GRIP1: variants seen among roughly 807,000 people sequenced by gnomAD.
GRIP1 encodes glutamate receptor-interacting protein 1.
Under a neutral mutation model 129.9 loss-of-function variants are expected in GRIP1, and 45 were observed. That is an observed-to-expected ratio of 0.35 (90% CI 0.27 to 0.44). GRIP1 has a LOEUF of 0.44. Among genes scored for constraint, GRIP1 ranks in the 20% least tolerant of loss-of-function variants. GRIP1 has a pLI of 1.00. For missense variants in GRIP1, 1,196 were observed against 1,396.8 expected (o/e 0.86, Z 2.29); for synonymous variants, 530 against 520.8 (o/e 1.02, Z -0.24).
intron 1 of GRIP1, among the ~76,000 whole-genome samples, chr12:67,003,528 C>G (rs893944209): frequency 6.6e-6 from 1 of 151,854 alleles, no homozygotes; most frequent in African/African-American, 2.4e-5. Flanking sequence ...CCCATCTCTA[C>G]TAAAAATACA....
intron 15 of GRIP1, among the ~76,000 whole-genome samples, chr12:66,412,173 T>C (rs1295960980): frequency 6.6e-6 from 1 of 152,068 alleles, no homozygotes; most frequent in East Asian, 1.9e-4. Flanking sequence ...CCAAGACACA[T>C]AATCGTTGGA....
intron 1 of GRIP1, 51 bp downstream of exon 1, chr12:66,678,795 GTTTA>G: frequency 2.6e-6 from 4 of 1,510,398 alleles, no homozygotes; most frequent in Non-Finnish European, 3.7e-6. Context: ...ATTAAACTGT[GTTTA>G]TAGGATACTG....
At chr12:66,798,424 T>C (rs2038763248) in intron 1 of GRIP1, among the ~76,000 whole-genome samples, 1 of 152,202 alleles carries the variant, frequency 6.6e-6, no homozygotes, top group Non-Finnish European at 1.5e-5. Context: ...ATATTGTATT[T>C]CTTGAAATAA....
chr12:66,665,721 C>T (rs907735223), intron 1 of GRIP1, among the ~76,000 whole-genome samples: 1 of 152,140 alleles, frequency 6.6e-6, no homozygotes, highest in African/African-American at 2.4e-5. Flanking sequence ...ACAAACAGTG[C>T]TGCTAGGACC....
chr12:67,062,025 T>C (rs180948203), intron 1 of GRIP1, among the ~76,000 whole-genome samples: 1 of 152,274 alleles, frequency 6.6e-6, no homozygotes, highest in Non-Finnish European at 1.5e-5. Flanking sequence ...ATCTCCTGAG[T>C]AGCTGCACGG....
At chr12:67,049,013 A>G (rs971489714) in intron 1 of GRIP1, among the ~76,000 whole-genome samples, 3 of 151,882 alleles carry the variant, frequency 2.0e-5, no homozygotes, top group African/African-American at 7.3e-5. Flanking sequence ...TTTTGTAGAG[A>G]CAGGGTCTCA....
intron 1 of GRIP1, among the ~76,000 whole-genome samples, chr12:67,046,947 GA>G (rs1373501074): frequency 6.6e-6 from 1 of 152,178 alleles, no homozygotes; most frequent in African/African-American, 2.4e-5. Flanking sequence ...CATGTAAAAT[GA>G]GAAGTCGAAA....
At chr12:66,815,759 G>T (rs573702072) in intron 1 of GRIP1, among the ~76,000 whole-genome samples, 1 of 146,426 alleles carries the variant, frequency 6.8e-6, no homozygotes, top group Admixed American at 6.8e-5. Context: ...ATAAGACCCC[G>T]ACTCAAACCA....
At chr12:66,750,549 A>G (rs1317235912) in intron 1 of GRIP1, among the ~76,000 whole-genome samples, 2 of 152,186 alleles carry the variant, frequency 1.3e-5, no homozygotes, top group Non-Finnish European at 1.5e-5. Context: ...GAAACTGGGC[A>G]TAGGTATAAC....
chr12:66,466,698 T>C (rs866059464), intron 7 of GRIP1, among the ~76,000 whole-genome samples: 1 of 152,234 alleles, frequency 6.6e-6, no homozygotes. Context: ...AGCACTTTGT[T>C]ATACATATAG....
chr12:66,929,320 C>T (rs745551471), intron 1 of GRIP1, among the ~76,000 whole-genome samples: 1 of 152,216 alleles, frequency 6.6e-6, no homozygotes, highest in South Asian at 2.1e-4. Context: ...CCTGACCACC[C>T]TACCTAACTG....
rs1429474398 is a variant in GRIP1 at position 66,534,416 on chromosome 12, CTTTTCTCTA to C, written c.419-4511_419-4503del. ...AGTCTTTGGGCTTGTAGCCTCTGGT[CTTTTCTCTA>C]TTTTGCCTCCTACAATGATAAATCT... On this transcript the variant is annotated intron_variant, in intron 4 of 24. Coordinates refer to ENST00000359742, the MANE Select transcript of GRIP1 (RefSeq NM_001366722.1). Among the ~76,000 whole-genome samples the C allele has an allele frequency of 3.3e-5, 5 of 152,272 alleles. No homozygotes were observed. The South Asian group carries it at 1.0e-3, about 32-fold the overall frequency.
intron 2 of GRIP1, among the ~76,000 whole-genome samples, chr12:66,544,563 G>A (rs1010679222): frequency 3.9e-5 from 6 of 152,112 alleles, no homozygotes; most frequent in Non-Finnish European, 8.8e-5. Flanking sequence ...TGTACTTATC[G>A]ACCAGGGTTA....
chr12:66,927,401 A>G (rs887432372), intron 1 of GRIP1, among the ~76,000 whole-genome samples: 3 of 152,198 alleles, frequency 2.0e-5, no homozygotes, highest in African/African-American at 7.2e-5. Context: ...AATAGAACAC[A>G]TATTGATTGA....
At chr12:66,574,113 G>T (rs2063058679) in intron 2 of GRIP1, among the ~76,000 whole-genome samples, 2 of 152,170 alleles carry the variant, frequency 1.3e-5, no homozygotes, top group African/African-American at 2.4e-5. Context: ...AGAAACAAAT[G>T]GTTGTAGGCT....
intron 19 of GRIP1, among the ~76,000 whole-genome samples, chr12:66,390,429 A>T (rs2056538450): frequency 6.6e-6 from 1 of 152,162 alleles, no homozygotes; most frequent in African/African-American, 2.4e-5. Flanking sequence ...GTTCCCTTCA[A>T]CCTCATAAAA....
At chr12:66,490,141 A>G (rs1345089213) in intron 7 of GRIP1, among the ~76,000 whole-genome samples, 1 of 152,128 alleles carries the variant, frequency 6.6e-6, no homozygotes, top group Non-Finnish European at 1.5e-5. Flanking sequence ...TTTAATCTGT[A>G]TGGAACCAAA....
At chr12:66,655,767 G>A (rs887933214) in intron 1 of GRIP1, among the ~76,000 whole-genome samples, 3 of 151,848 alleles carry the variant, frequency 2.0e-5, no homozygotes, top group East Asian at 3.9e-4. Context: ...CCGCCACTGC[G>A]CCCAGCTAAT....
intron 1 of GRIP1, among the ~76,000 whole-genome samples, chr12:66,856,853 C>T (rs1285225563): frequency 9.2e-5 from 14 of 151,948 alleles, no homozygotes; most frequent in Non-Finnish European, 8.8e-5. Flanking sequence ...TACCATTTGA[C>T]CCAGCCATCC....
Sources: gnomAD v4.1 joint callset for allele counts (sites outside exome capture counted in the v4.1 genomes callset) on GRCh38, gnomAD v4.1.1 for gene constraint, MANE v1.5 for transcripts, NCBI Gene and HGNC (gene_info 2026-07-23, HGNC 2026-07-21) for gene names.